The following OTOA variants were observed in gnomAD, a reference collection of about 807,000 sequenced individuals.
OTOA encodes cancer/testis antigen 108.
Under a neutral mutation model 110.8 loss-of-function variants are expected in OTOA, and 70 were observed. That is an observed-to-expected ratio of 0.63 (90% CI 0.52 to 0.77). The LOEUF (loss-of-function observed/expected upper bound fraction) is 0.77. Among genes scored for constraint, OTOA ranks in the 30% least tolerant of loss-of-function variants. OTOA has a pLI of 0.00. For missense variants in OTOA, 917 were observed against 1,075.8 expected, an observed-to-expected ratio of 0.85 and a Z score of 2.06; for synonymous variants, 373 against 431.5, an observed-to-expected ratio of 0.86 and a Z score of 1.68.
At position 21,720,905 on chromosome 16, in the gene OTOA, T is replaced by TATTATTATAATTATTATC. The variant is rs1441948441; in HGVS notation, c.1806+1409_1806+1410insAATTATTATCATTATTAT. On this transcript the variant is annotated intron_variant, in intron 17 of 28. Coordinates refer to ENST00000646100, the MANE Select transcript of OTOA (RefSeq NM_144672.4). ...TATTTTTACTAAAACACATTATTAT[T>TATTATTATAATTATTATC]ATTATTATTATTATTATCATTATTA... is the stretch of plus-strand genomic sequence containing the variant. Among the ~76,000 whole-genome samples the TATTATTATAATTATTATC allele has an allele frequency of 2.0e-5, 3 of 149,134 alleles. No individual in the cohort carries two copies. The East Asian group carries it at 5.8e-4, about 29-fold the overall frequency.
intron 17 of OTOA, among the ~76,000 whole-genome samples, chr16:21,722,097 C>CAAAA (rs71379629): frequency 5.6e-4 from 71 of 127,724 alleles, no homozygotes; most frequent in African/African-American, 1.8e-3. Context: ...ACTAAAAATA[C>CAAAA]AAAAAAAAAA....
At chr16:21,727,954 T>C (rs1288211966) in intron 19 of OTOA, among the ~76,000 whole-genome samples, 1 of 150,032 alleles carries the variant, frequency 6.7e-6, no homozygotes, top group African/African-American at 2.5e-5. Context: ...GACCTCTGCC[T>C]CCCGGGTTCA....
intron 6 of OTOA, 47 bp downstream of exon 6, chr16:21,681,872 G>T (rs1966898616): frequency 2.6e-6 from 4 of 1,558,260 alleles, no homozygotes; most frequent in Non-Finnish European, 3.5e-6. Flanking sequence ...AGTGCTCAGG[G>T]ATTGCAAACT....
chr16:21,723,113 G>A lies in OTOA; in HGVS notation c.1880+135G>A, dbSNP rs142772834. On this transcript the variant is annotated intron_variant, in intron 18 of 28. Transcript: ENST00000646100. Reference sequence around the variant, plus strand: ...AGTGGAGGATGCCTTAGAGAGTTAAGCCCTTGAGATCCAGGATTTCAATTC... The same window carrying A: ...AGTGGAGGATGCCTTAGAGAGTTAAACCCTTGAGATCCAGGATTTCAATTC... The A allele has an allele frequency of 1.4e-4, 118 of 825,498 alleles. 1 individual carries two copies. The South Asian group carries it at 1.4e-3, about 10-fold the overall frequency. The allele number at this position is 825,498 out of a possible 1,614,324, so 51.1% of individuals were successfully genotyped here.
At chr16:21,681,558 G>A (rs1966892118) in intron 5 of OTOA, among the ~76,000 whole-genome samples, 180 bp from the exon 6 acceptor site, 1 of 151,844 alleles carries the variant, frequency 6.6e-6, no homozygotes, top group Admixed American at 6.6e-5. Context: ...GCAAGACCCT[G>A]TTTCAAAAAA....
intron 12 of OTOA, among the ~76,000 whole-genome samples, chr16:21,708,261 A>G (rs1898252560): frequency 1.3e-5 from 2 of 152,138 alleles, no homozygotes; most frequent in Non-Finnish European, 2.9e-5. Flanking sequence ...TCTCATAAAG[A>G]GCGCACAGAC....
Position 21,719,156 on chromosome 16 carries a change from G to A in OTOA, c.1653G>A (p.Leu551=), listed in dbSNP as rs1316799661. Residue 551 remains leucine (L), a synonymous_variant, in exon 16 of 29, where the codon CTG becomes CTA. Coordinates refer to ENST00000646100, the MANE Select transcript of OTOA (RefSeq NM_144672.4). ...RSQALFLYEL[L]LKTTRRPEEL... Reference sequence around the variant, plus strand: ...AGGCTCTGTTCCTGTATGAGCTTCTGTTAAAGACCACCAGAAGGCCTGAGG... The same window carrying A: ...AGGCTCTGTTCCTGTATGAGCTTCTATTAAAGACCACCAGAAGGCCTGAGG... 6.2e-7 allele frequency: 1 copy of A among 1,614,024 alleles called. No homozygotes were observed. The highest frequency in any genetic ancestry group is 8.5e-7 in the Non-Finnish European group (1 of 1,180,022).
intron 12 of OTOA, among the ~76,000 whole-genome samples, chr16:21,707,653 C>CTTTA (rs1232278216): frequency 9.2e-6 from 1 of 108,956 alleles, no homozygotes; most frequent in Non-Finnish European, 2.1e-5. Context: ...TTCTTTCTTT[C>CTTTA]TTTCTCTTTC....
Position 21,736,351 on chromosome 16 carries a change from A to G in OTOA, c.2392A>G (p.Asn798Asp). ...CTGGGCTGTCTTTCAGTCTGTTCGG[A>G]ACAGCAGTGATAAGATCCCCAGCTA... ...FLWAVFQSVRNSSDKIPSYDP... is the reference protein window; with the variant it reads ...FLWAVFQSVRDSSDKIPSYDP... The change falls in exon 22 of 29, where the codon AAC (asparagine) becomes GAC (aspartate). Residue 798 changes from asparagine (N) to aspartate (D), a missense_variant. Physicochemically the swap from Asn to Asp is conservative, Grantham distance 23. This residue lies in a region of OTOA where 57 missense variants were observed against 59.7 expected (regional missense o/e 0.96). Transcript: ENST00000646100. 1 of 1,614,132 alleles carries G rather than the reference A, an allele frequency of 6.2e-7. No homozygotes were observed. The highest frequency in any genetic ancestry group is 8.5e-7 in the Non-Finnish European group (1 of 1,180,022).
intron 10 of OTOA, 35 bp from the exon 11 acceptor site, chr16:21,700,853 C>T (rs779434795): frequency 2.9e-5 from 47 of 1,613,116 alleles, no homozygotes; most frequent in African/African-American, 5.3e-5. Flanking sequence ...CTTCCACCCT[C>T]CTCACTGATA....
chr16:21,699,139 C>T (rs571078229), intron 10 of OTOA, among the ~76,000 whole-genome samples: 17 of 151,956 alleles, frequency 1.1e-4, no homozygotes, highest in Admixed American at 1.3e-4. Flanking sequence ...TTAGCAGAGA[C>T]GAGGTTTCAC....
intron 11 of OTOA, among the ~76,000 whole-genome samples, chr16:21,704,181 T>C (rs1898107984): frequency 1.3e-5 from 2 of 152,168 alleles, no homozygotes; most frequent in South Asian, 4.1e-4. Context: ...CTTCCATTGT[T>C]TTCCTCCAGT....
intron 19 of OTOA, among the ~76,000 whole-genome samples, chr16:21,727,760 C>A (rs1898968353): frequency 6.6e-6 from 1 of 152,052 alleles, no homozygotes; most frequent in Admixed American, 6.6e-5. Flanking sequence ...ATTTCTGAGG[C>A]CTGCATCCCT....
In OTOA at chr16:21,716,973, T is replaced by C; in HGVS notation, c.1555T>C (p.Ser519Pro). The change falls in exon 15 of 29, where the codon TCT (serine) becomes CCT (proline). Residue 519 changes from serine (S) to proline (P), a missense_variant. Around this residue, in one of 6 missense-constraint regions of OTOA, gnomAD observed 840 missense variants for 910.2 expected, o/e 0.92. Coordinates refer to ENST00000646100, the MANE Select transcript of OTOA (RefSeq NM_144672.4). ...ACAAGGGGCTTTCTTTAAGGAAGTGTCTCTCTTTGATTTAAGGAGGCAACC... is the reference window on the plus strand; with the variant it reads ...ACAAGGGGCTTTCTTTAAGGAAGTGCCTCTCTTTGATTTAAGGAGGCAACC... ...EIQGAFFKEV[S>P]LFDLRRQPGF... 6.2e-7 allele frequency: 1 copy of C among 1,614,004 alleles called. No individual in the cohort carries two copies. Among genetic ancestry groups the C allele is most frequent in the Non-Finnish European group, 8.5e-7 (1 of 1,179,984 alleles).
intron 22 of OTOA, among the ~76,000 whole-genome samples, chr16:21,739,568 TG>T (rs1207105636): frequency 2.2e-4 from 33 of 152,272 alleles, no homozygotes; most frequent in Non-Finnish European, 3.4e-4. Context: ...TCAGCATCAG[TG>T]GTGGTCTGCG....
intron 17 of OTOA, among the ~76,000 whole-genome samples, chr16:21,721,037 C>T (rs1898716594): frequency 1.3e-5 from 2 of 151,516 alleles, no homozygotes; most frequent in African/African-American, 4.9e-5. Flanking sequence ...GCCTCAGTCT[C>T]CTGTCTAACT....
intron 22 of OTOA, among the ~76,000 whole-genome samples, chr16:21,736,703 T>G (rs464674): frequency 1.3e-5 from 2 of 149,930 alleles, no homozygotes; most frequent in Non-Finnish European, 3.0e-5. Flanking sequence ...TGGTGGTGCA[T>G]ACCTGTAGTC....
intron 18 of OTOA, among the ~76,000 whole-genome samples, chr16:21,724,339 A>G (rs1567392165): frequency 6.6e-6 from 1 of 152,120 alleles, no homozygotes; most frequent in Non-Finnish European, 1.5e-5. Flanking sequence ...AGAGTTTAAG[A>G]TGGACATTCC....
Position 21,716,971 on chromosome 16 carries a change from T to C in OTOA, c.1553T>C (p.Val518Ala). 2 of 1,614,078 alleles carry C rather than the reference T, an allele frequency of 1.2e-6. No homozygotes were observed. Among genetic ancestry groups the C allele is most frequent in the Non-Finnish European group, 1.7e-6 (2 of 1,179,990 alleles). The change falls in exon 15 of 29, where the codon GTG becomes GCG. Residue 518 changes from valine (V) to alanine (A), a missense_variant. Transcript: ENST00000646100. ...VEIQGAFFKEVSLFDLRRQPG... is the reference protein window; with the variant it reads ...VEIQGAFFKEASLFDLRRQPG... Reference sequence around the variant, plus strand: ...ATACAAGGGGCTTTCTTTAAGGAAGTGTCTCTCTTTGATTTAAGGAGGCAA... The same window carrying C: ...ATACAAGGGGCTTTCTTTAAGGAAGCGTCTCTCTTTGATTTAAGGAGGCAA...
Sources: gnomAD v4.1 joint callset for allele counts (sites outside exome capture counted in the v4.1 genomes callset) on GRCh38, gnomAD v4.1.1 for gene constraint, gnomAD v4.1.1 regional missense constraint, MANE v1.5 for transcripts, NCBI Gene and HGNC (gene_info 2026-07-23, HGNC 2026-07-21) for gene names.